COL18A1: variants seen among roughly 807,000 people sequenced by gnomAD.
COL18A1 encodes collagen type XVIII alpha 1 chain.
In COL18A1, 133 loss-of-function variants were observed where a neutral mutation model predicts 168.0. That is an observed-to-expected ratio of 0.79 (90% CI 0.69 to 0.91). The LOEUF (loss-of-function observed/expected upper bound fraction) is 0.91, where lower values mean the gene tolerates loss of function less well. Ranked by LOEUF, COL18A1 falls within the 40% of genes least tolerant of loss-of-function variation. The pLI, the probability that COL18A1 is intolerant of heterozygous loss-of-function variation, is 0.00. For missense variants in COL18A1, 2,126 were observed against 1,925.4 expected (o/e 1.10, Z -1.95); for synonymous variants, 949 against 809.0 (o/e 1.17, Z -2.94).
chr21:45,481,664 A>C (rs906151362), intron 13 of COL18A1, among the ~76,000 whole-genome samples: 2 of 152,182 alleles, frequency 1.3e-5, no homozygotes, highest in Non-Finnish European at 2.9e-5. Context: ...ATCCATATTC[A>C]CGCATGTGGC....
intron 32 of COL18A1, among the ~76,000 whole-genome samples, chr21:45,503,411 T>G (rs990414422): frequency 1.2e-4 from 18 of 152,104 alleles, no homozygotes; most frequent in African/African-American, 4.3e-4. Context: ...CACTTTTTGA[T>G]GGGGTTGTTT....
intron 41 of COL18A1, among the ~76,000 whole-genome samples, chr21:45,511,981 G>A (rs2037637868): frequency 6.6e-6 from 1 of 152,150 alleles, no homozygotes; most frequent in Admixed American, 6.5e-5. Flanking sequence ...TCTGGCAGAA[G>A]CAGCATGGGG....
intron 41 of COL18A1, 97 bp downstream of exon 41, chr21:45,511,323 CA>C: frequency 1.4e-6 from 1 of 720,108 alleles, no homozygotes; most frequent in Non-Finnish European, 2.5e-6. Context: ...AGTTTTTGGA[CA>C]AATCTTATAC....
chr21:45,484,862 T>C (rs1287524127), intron 15 of COL18A1, among the ~76,000 whole-genome samples: 1 of 152,086 alleles, frequency 6.6e-6, no homozygotes, highest in Admixed American at 6.6e-5. Flanking sequence ...TCAGCAAAAT[T>C]AGATATGCAT....
intron 2 of COL18A1, among the ~76,000 whole-genome samples, chr21:45,434,514 G>A (rs1040173626): frequency 2.6e-5 from 4 of 152,184 alleles, no homozygotes; most frequent in African/African-American, 7.2e-5. Flanking sequence ...TGCCTGAGTC[G>A]GGGTGAGGGC....
rs77550630 is a variant in COL18A1 at position 45,473,607 on chromosome 21, G to C, written c.652-288G>C. Among the ~76,000 whole-genome samples the C allele has an allele frequency of 6.6e-6, 1 of 152,092 alleles. No individual in the cohort carries two copies. Among genetic ancestry groups the C allele is most frequent in the African/African-American group, 2.4e-5 (1 of 41,414 alleles). On this transcript the variant is annotated intron_variant, in intron 3 of 41. Transcript: ENST00000651438. This position sits in a 1 kb window ranked among gnomAD's most constrained non-coding sequence, Gnocchi z 4.0. ...CCACACCTGCTGTGGTTCTAAACCCGTAGCCCTCAGGTGGCCCATCAGCTG... is the reference window on the plus strand; with the variant it reads ...CCACACCTGCTGTGGTTCTAAACCCCTAGCCCTCAGGTGGCCCATCAGCTG...
In COL18A1 at chr21:45,504,134, C is replaced by T. The variant is rs1045853425; in HGVS notation, c.2727+80C>T. The T allele has an allele frequency of 3.7e-5, 55 of 1,504,368 alleles. No individual in the cohort carries two copies. The South Asian group carries it at 5.7e-4, about 16-fold the overall frequency. The allele number at this position is 1,504,368 out of a possible 1,614,324, so 93.2% of individuals were successfully genotyped here. A position where few individuals can be genotyped will look rare whatever the true frequency, so the allele number is the denominator to read the frequency against. ...GGTGGCTGCTCCCAATTTCTCGCCC[C>T]ATCCGGCCCAAGCCCCCTTCCTGTT... On this transcript the variant is annotated intron_variant, in intron 33 of 41. Coordinates refer to ENST00000651438, the MANE Select transcript of COL18A1 (RefSeq NM_001379500.1).
Position 45,484,310 on chromosome 21 carries a change from C to T in COL18A1, c.1701+1489C>T, listed in dbSNP as rs371839146. ...CCAGCATATGTGCACACACACACCT[C>T]CAGCATACATGCACACACATGCACA... On this transcript the variant is annotated intron_variant, in intron 15 of 41. Transcript: ENST00000651438. Among the ~76,000 whole-genome samples, 259 of 143,362 alleles carry T rather than the reference C, an allele frequency of 1.8e-3. 3 individuals carry two copies. The highest frequency in any genetic ancestry group is 3.9e-3 in the Middle Eastern group (1 of 256). 94.1% of individuals were successfully genotyped at this position (143,362 alleles called of 152,430 possible).
rs1160606387 is a variant in COL18A1, at chr21:45,437,146, ACT to A, written c.107-31094_107-31093del. ...AGACACACAGGCACTCTCCACACAC[ACT>A]CACACTCAGACACAGGCACTCTCCT... On this transcript the variant is annotated intron_variant, in intron 2 of 41. Coordinates refer to ENST00000651438, the MANE Select transcript of COL18A1 (RefSeq NM_001379500.1). 4.1e-3 allele frequency among the ~76,000 whole-genome samples: 388 copies of A among 95,334 alleles called. 9 individuals are homozygous for A. Among genetic ancestry groups the A allele is most frequent in the African/African-American group, 0.018 (333 of 18,818 alleles). The allele number at this position is 95,334 out of a possible 152,430, so 62.5% of individuals were successfully genotyped here. A position where few individuals can be genotyped will look rare whatever the true frequency, so the allele number is the denominator to read the frequency against.
intron 2 of COL18A1, among the ~76,000 whole-genome samples, chr21:45,459,939 A>G (rs112062425): frequency 1.3e-5 from 2 of 152,046 alleles, no homozygotes; most frequent in Non-Finnish European, 2.9e-5. Context: ...TTTGCTCTCT[A>G]CACCCCTCCT....
Position 45,487,514 on chromosome 21 carries a change from T to A in COL18A1, c.1896+5T>A. 1 of 1,612,474 alleles carries A rather than the reference T, an allele frequency of 6.2e-7. No homozygotes were observed. Among genetic ancestry groups the A allele is most frequent in the Admixed American group, 1.7e-5 (1 of 60,004 alleles). Reference sequence around the variant, plus strand: ...CGAAGCGCTGATGGGCCACAGGTAGTGTTGTGAGCTGGGCGTGGCCGGCTC... The same window carrying A: ...CGAAGCGCTGATGGGCCACAGGTAGAGTTGTGAGCTGGGCGTGGCCGGCTC... On this transcript the variant is annotated splice_donor_5th_base_variant and intron_variant, in intron 17 of 41. Transcript: ENST00000651438.
At chr21:45,438,104 ACACT>A (rs1326229533) in intron 2 of COL18A1, among the ~76,000 whole-genome samples, 3 of 114,984 alleles carry the variant, frequency 2.6e-5, no homozygotes, top group Non-Finnish European at 5.2e-5. Context: ...ACTCACACTC[ACACT>A]CAGACACACA....
Position 45,512,505 on chromosome 21 carries a change from T to G in COL18A1, c.*107T>G. 1.0e-6 allele frequency: 1 copy of G among 977,010 alleles called. No homozygotes were observed. The highest frequency in any genetic ancestry group is 1.6e-6 in the Non-Finnish European group (1 of 631,818). The allele number at this position is 977,010 out of a possible 1,614,324, so 60.5% of individuals were successfully genotyped here. On this transcript the variant is annotated 3_prime_UTR_variant, in exon 42 of 42. Transcript: ENST00000651438. The stretch of plus-strand genomic sequence containing the variant: ...CCCTGGCCCCAGGACCTGGCTGCCA[T>G]ACTTTCCTGTATAGTTCACGTTTCA...
chr21:45,424,141 C>A (rs2033710927), intron 2 of COL18A1: 1 of 152,290 alleles, frequency 6.6e-6, no homozygotes, highest in Non-Finnish European at 1.5e-5. Context: ...GGGACCCTGG[C>A]AGGCCACCCC....
chr21:45,444,425 T>G lies in COL18A1; in HGVS notation c.107-23817T>G, dbSNP rs916645168. 2.6e-5 allele frequency among the ~76,000 whole-genome samples: 4 copies of G among 152,004 alleles called. No homozygotes were observed. In the South Asian group the frequency reaches 8.3e-4, roughly 31 times the overall value. The stretch of plus-strand genomic sequence containing the variant: ...CTCGTGTGGGTGATGTGCGGGGTTG[T>G]GGTGAGGCGTAGGGCTGGGGTCAGC... On this transcript the variant is annotated intron_variant, in intron 2 of 41. Transcript: ENST00000651438.
chr21:45,455,886 A>G (rs2034784940), intron 2 of COL18A1: 6 of 1,613,038 alleles, frequency 3.7e-6, no homozygotes, highest in Non-Finnish European at 3.4e-6. Context: ...AACGTGGCCA[A>G]AGGCATCCGG....
chr21:45,421,313 C>T (rs181804162), intron 2 of COL18A1: 64 of 438,216 alleles, frequency 1.5e-4, no homozygotes, highest in Admixed American at 1.2e-3. Flanking sequence ...AGGAGGGCCA[C>T]GGTCACGCTT....
chr21:45,503,530 G>A (rs965472791), intron 32 of COL18A1, among the ~76,000 whole-genome samples: 4 of 151,024 alleles, frequency 2.6e-5, no homozygotes, highest in African/African-American at 4.9e-5. Flanking sequence ...GTAAACTATT[G>A]CAAGAACAAA....
intron 2 of COL18A1, among the ~76,000 whole-genome samples, chr21:45,437,653 CA>C (rs2034198522): frequency 1.8e-5 from 1 of 55,932 alleles, no homozygotes; most frequent in Non-Finnish European, 3.2e-5. Flanking sequence ...CACTCTCCTG[CA>C]CACACACACA....
Sources: gnomAD v4.1 joint callset for allele counts (sites outside exome capture counted in the v4.1 genomes callset) on GRCh38, gnomAD v4.1.1 for gene constraint, Gnocchi (gnomAD v3.1) non-coding constraint, MANE v1.5 for transcripts, NCBI Gene and HGNC (gene_info 2026-07-23, HGNC 2026-07-21) for gene names.